Variants in NTM observed in about 807,000 individuals in gnomAD.
The protein encoded by NTM is IgLON family member 2.
In NTM, 13 loss-of-function variants were observed where a neutral mutation model predicts 42.1. The ratio of observed to expected loss-of-function variants is 0.31; its 90% CI spans 0.20 to 0.49. NTM has a LOEUF of 0.49. Among genes scored for constraint, NTM ranks in the 20% least tolerant of loss-of-function variants. NTM has a pLI of 0.99. For missense variants in NTM, 373 were observed against 452.8 expected, an observed-to-expected ratio of 0.82 and a Z score of 1.60; for synonymous variants, 187 against 179.2, an observed-to-expected ratio of 1.04 and a Z score of -0.35.
chr11:131,902,059 C>A (rs889041946), intron 1 of NTM, among the ~76,000 whole-genome samples: 1 of 152,156 alleles, frequency 6.6e-6, no homozygotes, highest in African/African-American at 2.4e-5. Context: ...TTAGAAAGGC[C>A]CTGAACTCAC....
intron 2 of NTM, among the ~76,000 whole-genome samples, chr11:132,001,879 CAA>C (rs1445868850): frequency 2.6e-5 from 4 of 151,894 alleles, no homozygotes; most frequent in South Asian, 4.2e-4. Flanking sequence ...TAAGGACAAA[CAA>C]TGATGGATGT....
At chr11:131,918,263 A>C (rs2056710643) in intron 2 of NTM, among the ~76,000 whole-genome samples, 1 of 152,166 alleles carries the variant, frequency 6.6e-6, no homozygotes, top group Admixed American at 6.5e-5. Flanking sequence ...TGTTTCCCTA[A>C]GTGCAAAAGC....
chr11:132,205,525 G>A (rs922267705), intron 3 of NTM, among the ~76,000 whole-genome samples: 1 of 152,060 alleles, frequency 6.6e-6, no homozygotes, highest in African/African-American at 2.4e-5. Context: ...ATTAAACATG[G>A]AACTGTATCC....
intron 1 of NTM, among the ~76,000 whole-genome samples, chr11:131,814,767 C>A (rs1181597893): frequency 6.6e-6 from 1 of 152,220 alleles, no homozygotes; most frequent in Non-Finnish European, 1.5e-5. Flanking sequence ...AATCCACCAC[C>A]TCTGCAGCTG....
At chr11:131,948,025 A>C (rs889807086) in intron 2 of NTM, among the ~76,000 whole-genome samples, 1 of 152,144 alleles carries the variant, frequency 6.6e-6, no homozygotes, top group African/African-American at 2.4e-5. Flanking sequence ...CTTTGTCCAT[A>C]AGGCCATTGG....
intron 1 of NTM, among the ~76,000 whole-genome samples, chr11:131,457,907 A>T (rs1951043856): frequency 1.3e-5 from 2 of 152,122 alleles, no homozygotes; most frequent in Admixed American, 6.5e-5. Context: ...AACCCAGAAG[A>T]GAGCCCTCAC....
At chr11:132,208,241 T>C (rs904062825) in intron 3 of NTM, among the ~76,000 whole-genome samples, 7 of 152,210 alleles carry the variant, frequency 4.6e-5, no homozygotes, top group African/African-American at 1.7e-4. Context: ...TCAATTCAAG[T>C]AGTCTTGAAT....
intron 7 of NTM, among the ~76,000 whole-genome samples, chr11:132,315,970 TGAACAGAGACCAGGATTAGGAAG>T (rs1454791594): frequency 2.0e-5 from 3 of 152,182 alleles, no homozygotes. Context: ...TCTGTCTGCA[TGAACAGAGACCAGGATTAGGAAG>T]GAACAGACCC....
rs1413940521 is a variant in NTM at position 132,309,622 on chromosome 11, A to T, written c.662-490A>T. Among the ~76,000 whole-genome samples the T allele has an allele frequency of 3.3e-5, 5 of 152,296 alleles. No individual in the cohort carries two copies. In the East Asian group the frequency reaches 9.7e-4, roughly 29 times the overall value. The stretch of plus-strand genomic sequence containing the variant: ...GAGGAGAACAAAAGCAGTACATGAA[A>T]GGAAGACCCAGCTTTTTCTTAGAGC... On this transcript the variant is annotated intron_variant, in intron 5 of 8. Coordinates refer to ENST00000683400, the MANE Select transcript of NTM (RefSeq NM_001352005.2).
chr11:131,868,413 G>A (rs537295878), intron 1 of NTM, among the ~76,000 whole-genome samples: 3 of 152,118 alleles, frequency 2.0e-5, no homozygotes, highest in Admixed American at 1.3e-4. Context: ...TGGGCTTTCC[G>A]CACTCCGGCC....
chr11:131,527,554 T>A lies in NTM; in HGVS notation c.82+156666T>A, dbSNP rs190457852. Among the ~76,000 whole-genome samples, 6 of 152,356 alleles carry A rather than the reference T, an allele frequency of 3.9e-5. No individual in the cohort carries two copies. In the East Asian group the frequency reaches 1.2e-3, roughly 29 times the overall value. ...CCATTGAACTCTGTTCTGCCTTAGT[T>A]GGGGATAGAGAAGGAGGAAAAAGCC... is the stretch of plus-strand genomic sequence containing the variant. On this transcript the variant is annotated intron_variant, in intron 1 of 8. Coordinates refer to ENST00000683400, the MANE Select transcript of NTM (RefSeq NM_001352005.2).
intron 1 of NTM, among the ~76,000 whole-genome samples, chr11:131,447,474 G>A (rs1317726761): frequency 6.6e-6 from 1 of 152,078 alleles, no homozygotes; most frequent in East Asian, 1.9e-4. Flanking sequence ...TGCAGGCTGG[G>A]GCTGCAGAAT....
chr11:131,503,960 A>T (rs7113856), intron 1 of NTM, among the ~76,000 whole-genome samples: 18,038 of 152,154 alleles, frequency 0.12, 1,435 homozygotes, highest in African/African-American at 0.22. Flanking sequence ...TGTTAGGGTC[A>T]TTAGTGCTTT....
intron 1 of NTM, among the ~76,000 whole-genome samples, chr11:131,468,408 A>G (rs1473262807): frequency 2.0e-5 from 3 of 152,266 alleles, no homozygotes; most frequent in African/African-American, 4.8e-5. Context: ...TGCCAGCTGC[A>G]TCTCTGAGAA....
Position 131,921,013 on chromosome 11 carries a change from A to T in NTM, c.167+9365A>T, listed in dbSNP as rs557879348. On this transcript the variant is annotated intron_variant, in intron 2 of 8. Transcript: ENST00000683400. Reference sequence around the variant, plus strand: ...CAGGAGGGCTCAATCCAAAATTCTAACCCTTCAGAAGCTATAAGTAAGAAA... The same window carrying T: ...CAGGAGGGCTCAATCCAAAATTCTATCCCTTCAGAAGCTATAAGTAAGAAA... Among the ~76,000 whole-genome samples the T allele has an allele frequency of 2.0e-5, 3 of 152,254 alleles. No individual in the cohort carries two copies. In the East Asian group the frequency reaches 5.8e-4, roughly 29 times the overall value.
At chr11:131,934,951 TGGGTGACAACA>T (rs957615466) in intron 2 of NTM, among the ~76,000 whole-genome samples, 15 of 152,158 alleles carry the variant, frequency 9.9e-5, no homozygotes, top group African/African-American at 3.4e-4. Flanking sequence ...TCCGAGCCTC[TGGGTGACAACA>T]GGACGCTGCT....
At chr11:131,556,611 A>G (rs2055454959) in intron 1 of NTM, among the ~76,000 whole-genome samples, 1 of 139,884 alleles carries the variant, frequency 7.1e-6, no homozygotes, top group Non-Finnish European at 1.5e-5. Context: ...TCTGTCAGCC[A>G]GGCTAGAGTG....
At chr11:131,516,275 T>C (rs2048877031) in intron 1 of NTM, among the ~76,000 whole-genome samples, 1 of 152,246 alleles carries the variant, frequency 6.6e-6, no homozygotes, top group Non-Finnish European at 1.5e-5. Context: ...GAACAGATGC[T>C]TAGTTTATTA....
intron 1 of NTM, among the ~76,000 whole-genome samples, chr11:131,815,208 G>A (rs778177784): frequency 6.6e-6 from 1 of 151,994 alleles, no homozygotes; most frequent in Non-Finnish European, 1.5e-5. Flanking sequence ...TTCTGCCCCC[G>A]CCTTCTCCCA....
Sources: gnomAD v4.1 joint callset for allele counts (sites outside exome capture counted in the v4.1 genomes callset) on GRCh38, gnomAD v4.1.1 for gene constraint, MANE v1.5 for transcripts, NCBI Gene and HGNC (gene_info 2026-07-23, HGNC 2026-07-21) for gene names.